Variants in SASH1 observed in about 807,000 individuals in gnomAD.
The protein encoded by SASH1 is SAM and SH3 domain containing 1.
Under a neutral mutation model 125.2 loss-of-function variants are expected in SASH1, and 44 were observed. That is an observed-to-expected ratio of 0.35 (90% CI 0.28 to 0.45). SASH1 has a LOEUF of 0.45. Among genes scored for constraint, SASH1 ranks in the 20% least tolerant of loss-of-function variants. SASH1 has a pLI of 1.00. For missense variants in SASH1, 1,426 were observed against 1,614.5 expected (o/e 0.88, Z 2.00); for synonymous variants, 639 against 649.1 (o/e 0.98, Z 0.24).
intron 19 of SASH1, among the ~76,000 whole-genome samples, chr6:148,546,878 G>C (rs1782603418): frequency 6.6e-6 from 1 of 150,480 alleles, no homozygotes. Flanking sequence ...CTGTTTCCCT[G>C]TTACTTAAAA....
chr6:148,306,769 C>T (rs1582943989), intron 1 of SASH1, among the ~76,000 whole-genome samples: 1 of 152,152 alleles, frequency 6.6e-6, no homozygotes, highest in Admixed American at 6.6e-5. Context: ...ACACATCACC[C>T]AACAGCCCAT....
the SASH1 span, among the ~76,000 whole-genome samples, chr6:148,243,906 C>A: frequency 6.6e-6 from 1 of 152,094 alleles, no homozygotes; most frequent in Admixed American, 6.6e-5. Flanking sequence ...TGCAGGGAGA[C>A]TTGCCATGTG....
chr6:148,513,373 C>A (rs996616310), intron 8 of SASH1: 1 of 985,454 alleles, frequency 1.0e-6, no homozygotes, highest in Non-Finnish European at 1.2e-6. Context: ...CCCAGGCATG[C>A]CCACGCACCC....
chr6:148,227,059 C>T, the SASH1 span, among the ~76,000 whole-genome samples: 1 of 152,140 alleles, frequency 6.6e-6, no homozygotes, highest in Admixed American at 6.5e-5. Context: ...CAATACCAAA[C>T]ATTTATTAGC....
the SASH1 span, among the ~76,000 whole-genome samples, chr6:148,262,725 A>C: frequency 6.6e-6 from 1 of 152,190 alleles, no homozygotes. Context: ...TCTAGTAAAA[A>C]TACAAAAATC....
chr6:148,544,946 C>A lies in SASH1; in HGVS notation c.3348+128C>A. Reference sequence around the variant, plus strand: ...CCAGTGGACAGGAGACACCTGAATCCACGTGTCCACACCTTACTTGACATG... The same window carrying A: ...CCAGTGGACAGGAGACACCTGAATCAACGTGTCCACACCTTACTTGACATG... On this transcript the variant is annotated intron_variant, in intron 18 of 19. Transcript: ENST00000367467. The surrounding 1 kb of genome is among the most constrained non-coding windows in gnomAD (Gnocchi z 6.4). 3 of 758,130 alleles carry A rather than the reference C, an allele frequency of 4.0e-6. No homozygotes were observed. Among genetic ancestry groups the A allele is most frequent in the Non-Finnish European group, 6.3e-6 (3 of 479,656 alleles). 47.0% of individuals were successfully genotyped at this position (758,130 alleles called of 1,614,324 possible).
At chr6:148,487,752 C>T (rs191101475) in intron 8 of SASH1, 37 bp downstream of exon 8, 32 of 1,397,422 alleles carry the variant, frequency 2.3e-5, no homozygotes, top group Middle Eastern at 1.8e-4. Flanking sequence ...TGATCACCTA[C>T]GCCGATAAGG....
chr6:148,360,636 A>ACCCCCCCCC (rs67278438), intron 1 of SASH1, among the ~76,000 whole-genome samples: 5 of 127,812 alleles, frequency 3.9e-5, no homozygotes, highest in East Asian at 2.4e-4. Flanking sequence ...GGCGTGAGCC[A>ACCCCCCCCC]CCCCCCCGCC....
chr6:148,388,146 C>T (rs929282935), intron 1 of SASH1, among the ~76,000 whole-genome samples: 3 of 151,954 alleles, frequency 2.0e-5, no homozygotes, highest in African/African-American at 4.8e-5. Context: ...AACTCCTGAC[C>T]GCAGGTGATC....
intron 2 of SASH1, among the ~76,000 whole-genome samples, chr6:148,398,515 T>C (rs1355107165): frequency 6.6e-6 from 1 of 152,176 alleles, no homozygotes; most frequent in Non-Finnish European, 1.5e-5. Flanking sequence ...AAGGTCACCA[T>C]TGTTTTTAAG....
chr6:148,433,250 G>T (rs890709479), intron 2 of SASH1, among the ~76,000 whole-genome samples: 1 of 151,950 alleles, frequency 6.6e-6, no homozygotes, highest in African/African-American at 2.4e-5. Context: ...CTATAGCGGA[G>T]CCTCTTTTAG....
At chr6:148,515,348 T>C (rs1011277382) in intron 9 of SASH1, among the ~76,000 whole-genome samples, 3 of 152,250 alleles carry the variant, frequency 2.0e-5, no homozygotes, top group Admixed American at 2.0e-4. Context: ...AAAATTATTT[T>C]TGTAGAGGCA....
At chr6:148,196,846 G>A in the SASH1 span, among the ~76,000 whole-genome samples, 1 of 152,184 alleles carries the variant, frequency 6.6e-6, no homozygotes, top group South Asian at 2.1e-4. Context: ...GTCAAAGAAG[G>A]TTTCATGATG....
At chr6:148,384,314 A>G (rs958212642) in intron 1 of SASH1, among the ~76,000 whole-genome samples, 14 of 152,202 alleles carry the variant, frequency 9.2e-5, no homozygotes, top group African/African-American at 3.4e-4. Flanking sequence ...GGAAAATAAG[A>G]AAGAAGTGAA....
intron 1 of SASH1, among the ~76,000 whole-genome samples, chr6:148,386,591 A>G (rs760502808): frequency 2.1e-4 from 32 of 152,332 alleles, no homozygotes; most frequent in Non-Finnish European, 4.0e-4. Flanking sequence ...GTTGGGAGAC[A>G]TGGACTTTCT....
At chr6:148,368,641 T>C (rs1206027924) in intron 1 of SASH1, among the ~76,000 whole-genome samples, 2 of 152,184 alleles carry the variant, frequency 1.3e-5, no homozygotes, top group Admixed American at 6.5e-5. Flanking sequence ...TCATTGGTGT[T>C]GTGCATTAAT....
At chr6:148,252,037 C>G in the SASH1 span, among the ~76,000 whole-genome samples, 200 of 152,154 alleles carry the variant, frequency 1.3e-3, no homozygotes, top group Non-Finnish European at 2.5e-3. Context: ...CACGTTAAGT[C>G]TTAGCCTAAC....
intron 2 of SASH1, among the ~76,000 whole-genome samples, chr6:148,425,951 G>A (rs909408216): frequency 6.6e-6 from 1 of 152,068 alleles, no homozygotes; most frequent in Non-Finnish European, 1.5e-5. Flanking sequence ...GCGCATACCT[G>A]TAATCCCAGC....
chr6:148,489,253 A>G (rs1778999056), intron 8 of SASH1, among the ~76,000 whole-genome samples: 1 of 152,140 alleles, frequency 6.6e-6, no homozygotes, highest in Non-Finnish European at 1.5e-5. Flanking sequence ...TGGTCATGGC[A>G]TACTTTTTGA....
Sources: gnomAD v4.1 joint callset for allele counts (sites outside exome capture counted in the v4.1 genomes callset) on GRCh38, gnomAD v4.1.1 for gene constraint, Gnocchi (gnomAD v3.1) non-coding constraint, MANE v1.5 for transcripts, NCBI Gene and HGNC (gene_info 2026-07-23, HGNC 2026-07-21) for gene names.